SAMD12: variants seen among roughly 807,000 people sequenced by gnomAD.
SAMD12 encodes the protein sterile alpha motif domain containing 12.
In SAMD12, 9 loss-of-function variants were observed where a neutral mutation model predicts 15.0. That is an observed-to-expected ratio of 0.60 (90% CI 0.36 to 1.05). SAMD12 has a LOEUF of 1.05. Ranked by LOEUF, SAMD12 falls within the 50% of genes least tolerant of loss-of-function variation. SAMD12 has a pLI of 0.01. For synonymous variants in SAMD12, 86 were observed against 90.1 expected, an observed-to-expected ratio of 0.96 and a Z score of 0.25; for missense variants, 230 against 234.2, an observed-to-expected ratio of 0.98 and a Z score of 0.12.
chr8:118,204,258 G>A (rs1819799682), intron 4 of SAMD12, among the ~76,000 whole-genome samples: 2 of 152,064 alleles, frequency 1.3e-5, no homozygotes, highest in South Asian at 2.1e-4. Flanking sequence ...GAAGGACAAA[G>A]GATTTATGTG....
downstream of SAMD12, among the ~76,000 whole-genome samples, chr8:118,377,834 T>A (rs1283268386): frequency 6.6e-6 from 1 of 152,174 alleles, no homozygotes; most frequent in South Asian, 2.1e-4. Flanking sequence ...AAGAATGAGC[T>A]GCAAAAACCA....
chr8:118,511,263 C>T (rs973268246), intron 2 of SAMD12, among the ~76,000 whole-genome samples: 3 of 152,070 alleles, frequency 2.0e-5, no homozygotes, highest in Admixed American at 6.5e-5. Context: ...GAAGAAAGAT[C>T]GATTCTTATT....
chr8:118,228,933 T>C (rs934801897), intron 4 of SAMD12, among the ~76,000 whole-genome samples: 4 of 152,196 alleles, frequency 2.6e-5, no homozygotes, highest in Non-Finnish European at 2.9e-5. Context: ...GTGGTACATA[T>C]GTACGGTGGA....
intron 2 of SAMD12, among the ~76,000 whole-genome samples, chr8:118,471,417 T>A (rs1207443354): frequency 6.6e-6 from 1 of 152,222 alleles, no homozygotes; most frequent in African/African-American, 2.4e-5. Flanking sequence ...GCAAAAATTT[T>A]AGTTGTACCA....
chr8:118,579,493 C>T (rs1411525912), intron 2 of SAMD12, among the ~76,000 whole-genome samples: 1 of 152,084 alleles, frequency 6.6e-6, no homozygotes, highest in Non-Finnish European at 1.5e-5. Flanking sequence ...GTAATCATTC[C>T]CCATTCCCTA....
chr8:118,241,509 TAA>T lies in SAMD12; in HGVS notation c.434-43779_434-43778del, dbSNP rs1023562550. Among the ~76,000 whole-genome samples, 142 of 152,270 alleles carry T rather than the reference TAA, an allele frequency of 9.3e-4. 1 individual carries two copies. Among genetic ancestry groups the T allele is most frequent in the African/African-American group, 1.4e-3 (59 of 41,574 alleles). On this transcript the variant is annotated intron_variant, in intron 4 of 4. Transcript: ENST00000409003. ...AAACATTTTGATGTGACTATCTTCT[TAA>T]GTGGTAAGTGACTTTTTCATGGAGA...
Position 118,379,327 on chromosome 8 carries a change from G to C in SAMD12, c.*90C>G. On this transcript the variant is annotated 3_prime_UTR_variant, in exon 4 of 4. Transcript: ENST00000314727. ...ACTGTACGTGACCACCTTGAAGTTA[G>C]CTCAGGTAATTCTGTTTGCTCATCC... 1.3e-6 allele frequency: 2 copies of C among 1,509,178 alleles called. No individual in the cohort carries two copies. The highest frequency in any genetic ancestry group is 1.8e-6 in the Non-Finnish European group (2 of 1,132,774). The allele number at this position is 1,509,178 out of a possible 1,614,324, so 93.5% of individuals were successfully genotyped here.
chr8:118,526,568 G>T (rs1378653085), intron 2 of SAMD12, among the ~76,000 whole-genome samples: 1 of 152,080 alleles, frequency 6.6e-6, no homozygotes, highest in Non-Finnish European at 1.5e-5. Flanking sequence ...GTGATTAGGA[G>T]GAATTTAATG....
At chr8:118,183,368 G>T in the SAMD12 span, among the ~76,000 whole-genome samples, 2 of 152,200 alleles carry the variant, frequency 1.3e-5, no homozygotes, top group South Asian at 2.1e-4. Flanking sequence ...CCACTGAAAA[G>T]GTATGCCAAG....
chr8:118,133,375 T>G, the SAMD12 span, among the ~76,000 whole-genome samples: 1 of 152,036 alleles, frequency 6.6e-6, no homozygotes, highest in Non-Finnish European at 1.5e-5. Flanking sequence ...GGGATACATG[T>G]GCAGGATGTG....
intron 4 of SAMD12, among the ~76,000 whole-genome samples, chr8:118,367,541 C>G (rs980465907): frequency 4.0e-4 from 61 of 152,270 alleles, no homozygotes; most frequent in African/African-American, 1.4e-3. Flanking sequence ...AACAATGCAA[C>G]CTTATGACCA....
At chr8:118,329,778 A>G (rs991177277) in intron 4 of SAMD12, among the ~76,000 whole-genome samples, 2 of 152,182 alleles carry the variant, frequency 1.3e-5, no homozygotes, top group Non-Finnish European at 2.9e-5. Context: ...GTGGCTAATT[A>G]GGGTTTATAT....
intron 4 of SAMD12, among the ~76,000 whole-genome samples, chr8:118,218,971 T>C (rs1299342667): frequency 1.3e-5 from 2 of 152,266 alleles, no homozygotes; most frequent in African/African-American, 4.8e-5. Flanking sequence ...CTCTGAAAAA[T>C]TGGCAGTTGT....
chr8:118,425,433 C>T (rs1251498447), intron 3 of SAMD12, among the ~76,000 whole-genome samples: 2 of 152,144 alleles, frequency 1.3e-5, no homozygotes, highest in East Asian at 1.9e-4. Context: ...CCTGGCTACT[C>T]AGGAGGCTAA....
chr8:118,249,285 T>C (rs1040879194), intron 4 of SAMD12, among the ~76,000 whole-genome samples: 1 of 152,200 alleles, frequency 6.6e-6, no homozygotes, highest in African/African-American at 2.4e-5. Context: ...CTGCTCATTG[T>C]GATCCTTATA....
the SAMD12 span, among the ~76,000 whole-genome samples, chr8:118,168,877 C>A: frequency 6.6e-6 from 1 of 151,910 alleles, no homozygotes; most frequent in Non-Finnish European, 1.5e-5. Flanking sequence ...AAGAATAAAC[C>A]CATTTTCACT....
chr8:118,406,628 G>A (rs917750342), intron 3 of SAMD12, among the ~76,000 whole-genome samples: 1 of 152,042 alleles, frequency 6.6e-6, no homozygotes, highest in Non-Finnish European at 1.5e-5. Context: ...CACCATCATT[G>A]TACAACAAAT....
intron 4 of SAMD12, among the ~76,000 whole-genome samples, chr8:118,256,592 A>G (rs762745271): frequency 6.6e-6 from 1 of 151,996 alleles, no homozygotes; most frequent in Non-Finnish European, 1.5e-5. Flanking sequence ...CAAAGTGCGT[A>G]AAGTACTAAT....
intron 4 of SAMD12, among the ~76,000 whole-genome samples, chr8:118,319,683 A>G (rs1816127990): frequency 6.6e-6 from 1 of 152,186 alleles, no homozygotes; most frequent in South Asian, 2.1e-4. Context: ...CAGACGAGGA[A>G]GAGCTATGTG....
Sources: gnomAD v4.1 joint callset for allele counts (sites outside exome capture counted in the v4.1 genomes callset) on GRCh38, gnomAD v4.1.1 for gene constraint, MANE v1.5 for transcripts, NCBI Gene and HGNC (gene_info 2026-07-23, HGNC 2026-07-21) for gene names.